The following PLPPR1 variants were observed in gnomAD, a reference collection of about 807,000 sequenced individuals.
PLPPR1 encodes the protein phospholipid phosphatase related 1.
A neutral mutation model predicts 33.1 loss-of-function variants in PLPPR1; 10 were observed. The observed-to-expected ratio is 0.30, with a 90% confidence interval of 0.19 to 0.51. The LOEUF is 0.51. PLPPR1 is among the 20% of genes least tolerant of loss of function. The pLI, the probability that PLPPR1 is intolerant of heterozygous loss-of-function variation, is 0.97. For synonymous variants in PLPPR1, 151 were observed against 151.0 expected (o/e 1.00, Z 0.00); for missense variants, 304 against 408.1 (o/e 0.74, Z 2.20).
intron 4 of PLPPR1, among the ~76,000 whole-genome samples, chr9:101,306,204 CTAAGA>C (rs928988990): frequency 1.3e-5 from 2 of 151,718 alleles, no homozygotes; most frequent in South Asian, 2.1e-4. Context: ...TGAAACTTCT[CTAAGA>C]TGTTTGTGGG....
chr9:101,267,819 C>T (rs1424609163), intron 2 of PLPPR1, among the ~76,000 whole-genome samples: 1 of 152,134 alleles, frequency 6.6e-6, no homozygotes. Context: ...TCCAATTTCT[C>T]CTCTTTTGAT....
At chr9:101,031,623 T>A (rs1410658789) in intron 1 of PLPPR1, among the ~76,000 whole-genome samples, 1 of 152,172 alleles carries the variant, frequency 6.6e-6, no homozygotes, top group Non-Finnish European at 1.5e-5. Flanking sequence ...AGGTAACAGG[T>A]ATTTAACTAT....
In PLPPR1 at chr9:101,087,380, T is replaced by C. The variant is rs921447456; in HGVS notation, c.-46+58278T>C. On this transcript the variant is annotated intron_variant, in intron 1 of 7. Transcript: ENST00000374874. ...TTATTCTGCTAGTCTTTTCTCATTG[T>C]CATCTTCATTTTTCTACTAAAAGTC... Among the ~76,000 whole-genome samples the C allele has an allele frequency of 3.9e-5, 6 of 152,178 alleles. No homozygotes were observed. In the South Asian group the frequency reaches 1.2e-3, roughly 32 times the overall value.
At chr9:101,114,778 C>T (rs1359465348) in intron 1 of PLPPR1, among the ~76,000 whole-genome samples, 1 of 152,108 alleles carries the variant, frequency 6.6e-6, no homozygotes, top group Non-Finnish European at 1.5e-5. Context: ...AGAGCTGGTC[C>T]CAATTTAATG....
intron 1 of PLPPR1, among the ~76,000 whole-genome samples, chr9:101,119,090 C>T (rs1042457481): frequency 6.6e-6 from 1 of 152,172 alleles, no homozygotes; most frequent in Non-Finnish European, 1.5e-5. Context: ...GGACATGCAG[C>T]ACCAGGAGCT....
intron 1 of PLPPR1, among the ~76,000 whole-genome samples, chr9:101,043,783 T>A (rs1452214095): frequency 6.6e-6 from 1 of 152,108 alleles, no homozygotes; most frequent in Admixed American, 6.5e-5. Flanking sequence ...GTGTTCCCTT[T>A]TCACCGCATG....
intron 1 of PLPPR1, among the ~76,000 whole-genome samples, chr9:101,178,070 T>C (rs549105592): frequency 6.6e-6 from 1 of 152,318 alleles, no homozygotes; most frequent in East Asian, 1.9e-4. Context: ...TTGTATCCCA[T>C]ATGAGTGCTT....
intron 1 of PLPPR1, among the ~76,000 whole-genome samples, chr9:101,140,560 TTCA>T (rs1831437630): frequency 6.6e-6 from 1 of 152,188 alleles, no homozygotes; most frequent in African/African-American, 2.4e-5. Flanking sequence ...TAAATAGCTC[TTCA>T]TCATCTCATC....
At chr9:101,071,605 G>GGAGAGAGAGAGAGAGAGAGA (rs3080736) in intron 1 of PLPPR1, among the ~76,000 whole-genome samples, 58 of 149,110 alleles carry the variant, frequency 3.9e-4, no homozygotes, top group African/African-American at 1.4e-3. Flanking sequence ...GGAGTGAGAA[G>GGAGAGAGAGAGAGAGAGAGA]GAGAGAGAGA....
chr9:101,054,770 T>A (rs1251840149), intron 1 of PLPPR1, among the ~76,000 whole-genome samples: 1 of 152,182 alleles, frequency 6.6e-6, no homozygotes, highest in African/African-American at 2.4e-5. Context: ...TTGTTTCAAG[T>A]CTCTGACTTC....
At position 101,269,939 on chromosome 9, in the gene PLPPR1, T is replaced by A. The variant is rs1291219087; in HGVS notation, c.123T>A (p.Phe41Leu). 1 of 1,614,176 alleles carries A rather than the reference T, an allele frequency of 6.2e-7. No homozygotes were observed. The highest frequency in any genetic ancestry group is 2.2e-5 in the East Asian group (1 of 44,886). Residue 41 changes from phenylalanine to leucine, a missense_variant, in exon 3 of 8, where the codon TTT becomes TTA. Physicochemically the swap from Phe to Leu is conservative, Grantham distance 22. Transcript: ENST00000374874. ...ACTACTTCGAATGCACTGACACTTT[T>A]CAGGTGCATATCCAAGGATTCTTCT... ...LAYYFECTDT[F>L]QVHIQGFFCQ...
At chr9:101,289,400 C>T (rs1828452559) in intron 4 of PLPPR1, among the ~76,000 whole-genome samples, 1 of 152,178 alleles carries the variant, frequency 6.6e-6, no homozygotes, top group Non-Finnish European at 1.5e-5. Flanking sequence ...GTATCTTTTT[C>T]ATTCCATGTC....
At chr9:101,306,725 A>G (rs994068891) in intron 4 of PLPPR1, among the ~76,000 whole-genome samples, 9 of 152,192 alleles carry the variant, frequency 5.9e-5, no homozygotes, top group African/African-American at 1.9e-4. Flanking sequence ...AAAAATATCT[A>G]TTAAAAAATA....
At chr9:101,177,442 A>G (rs978840477) in intron 1 of PLPPR1, among the ~76,000 whole-genome samples, 1 of 152,140 alleles carries the variant, frequency 6.6e-6, no homozygotes. Context: ...AAACTGATGT[A>G]TGTTTTGTAT....
At chr9:101,191,232 G>T (rs1391483522) in intron 2 of PLPPR1, among the ~76,000 whole-genome samples, 1 of 152,134 alleles carries the variant, frequency 6.6e-6, no homozygotes, top group Non-Finnish European at 1.5e-5. Context: ...GTCAGATGGT[G>T]CAGGAAAAGG....
chr9:101,080,252 T>G (rs143019513), intron 1 of PLPPR1, among the ~76,000 whole-genome samples: 262 of 152,304 alleles, frequency 1.7e-3, no homozygotes, highest in African/African-American at 5.9e-3. Context: ...TTACAGAACT[T>G]CTGATATGGC....
At chr9:101,073,401 A>G (rs551571932) in intron 1 of PLPPR1, among the ~76,000 whole-genome samples, 1 of 152,264 alleles carries the variant, frequency 6.6e-6, no homozygotes, top group South Asian at 2.1e-4. Flanking sequence ...TCAGGGCTAC[A>G]TGTAAAGGAG....
rs186155695 is a variant in PLPPR1, at chr9:101,314,917, T to C, written c.813+1943T>C. On this transcript the variant is annotated intron_variant, in intron 6 of 7. Transcript: ENST00000374874. The stretch of plus-strand genomic sequence containing the variant: ...AGGAAAAGCAGTGCTGAAGTCATCA[T>C]AAAATCTTGATATCTCATTAGGAAC... 2.2e-4 allele frequency among the ~76,000 whole-genome samples: 34 copies of C among 152,336 alleles called. No individual in the cohort carries two copies. The East Asian group carries it at 5.8e-3, about 26-fold the overall frequency.
At chr9:101,169,157 A>G (rs1458282339) in intron 1 of PLPPR1, among the ~76,000 whole-genome samples, 1 of 152,072 alleles carries the variant, frequency 6.6e-6, no homozygotes, top group Non-Finnish European at 1.5e-5. Flanking sequence ...GACTTTCCCA[A>G]TGTCTCATCC....
Sources: allele counts gnomAD v4.1 joint callset (sites outside exome capture counted in the v4.1 genomes callset), GRCh38; gene constraint gnomAD v4.1.1; transcripts MANE v1.5; gene names NCBI Gene and HGNC (gene_info 2026-07-23, HGNC 2026-07-21).